The following ANK3 variants were observed in gnomAD, a reference collection of about 807,000 sequenced individuals.
The protein encoded by ANK3 is ankyrin 3.
Under a neutral mutation model 370.9 loss-of-function variants are expected in ANK3, and 57 were observed. That is an observed-to-expected ratio of 0.15 (90% CI 0.12 to 0.19). ANK3 has a LOEUF of 0.19. Among genes scored for constraint, ANK3 ranks in the 10% least tolerant of loss-of-function variants. The pLI, the probability that ANK3 is intolerant of heterozygous loss-of-function variation, is 1.00. For synonymous variants in ANK3, 1,929 were observed against 1,946.3 expected (o/e 0.99, Z 0.23); for missense variants, 4,439 against 5,302.1 (o/e 0.84, Z 5.06).
intron 2 of ANK3, among the ~76,000 whole-genome samples, chr10:60,453,597 A>G (rs1022960388): frequency 6.6e-6 from 1 of 152,198 alleles, no homozygotes; most frequent in Non-Finnish European, 1.5e-5. Flanking sequence ...AAATGGCTGA[A>G]TAAATGTCTG....
At chr10:60,365,351 A>T (rs2059249668) in intron 1 of ANK3, among the ~76,000 whole-genome samples, 1 of 152,160 alleles carries the variant, frequency 6.6e-6, no homozygotes, top group African/African-American at 2.4e-5. Flanking sequence ...AATTCTATTA[A>T]TCCAAATCTG....
chr10:60,644,964 T>C (rs2133355576), intron 1 of ANK3, among the ~76,000 whole-genome samples: 1 of 151,510 alleles, frequency 6.6e-6, no homozygotes, highest in African/African-American at 2.4e-5. Context: ...TCAGGTATAT[T>C]TTTAGGAGTA....
intron 1 of ANK3, among the ~76,000 whole-genome samples, chr10:60,700,450 T>C (rs951464681): frequency 6.6e-6 from 1 of 151,958 alleles, no homozygotes; most frequent in Non-Finnish European, 1.5e-5. Flanking sequence ...TGAAAAAATT[T>C]CCCCCCTGGA....
chr10:60,620,627 A>G (rs565020168), intron 1 of ANK3, among the ~76,000 whole-genome samples: 2 of 152,314 alleles, frequency 1.3e-5, no homozygotes, highest in South Asian at 2.1e-4. Flanking sequence ...TTAGGCATGA[A>G]TTTAAATGTT....
chr10:60,139,149 G>GA (rs2094465530), intron 23 of ANK3, 62 bp from the exon 24 acceptor site: 2 of 1,579,018 alleles, frequency 1.3e-6, no homozygotes, highest in African/African-American at 2.7e-5. Flanking sequence ...CAGCTGTGGA[G>GA]AAAATCACTC....
At chr10:60,155,940 G>A (rs1245072692) in intron 23 of ANK3, among the ~76,000 whole-genome samples, 1 of 152,206 alleles carries the variant, frequency 6.6e-6, no homozygotes, top group Non-Finnish European at 1.5e-5. Context: ...TACTTTTGAG[G>A]TTTTGGGATT....
chr10:60,491,629 A>G (rs2133121749), intron 2 of ANK3, among the ~76,000 whole-genome samples: 1 of 152,318 alleles, frequency 6.6e-6, no homozygotes, highest in Admixed American at 6.5e-5. Flanking sequence ...TTAGACATGA[A>G]ACACAGTGCA....
At chr10:60,321,866 AT>A (rs1042900335) in intron 1 of ANK3, among the ~76,000 whole-genome samples, 5 of 151,918 alleles carry the variant, frequency 3.3e-5, no homozygotes, top group African/African-American at 7.3e-5. Flanking sequence ...GGACATTTCA[AT>A]TTTTTTTCAA....
At chr10:60,553,981 C>T (rs1462516087) in intron 2 of ANK3, among the ~76,000 whole-genome samples, 1 of 152,136 alleles carries the variant, frequency 6.6e-6, no homozygotes, top group Non-Finnish European at 1.5e-5. Flanking sequence ...AATATATCAG[C>T]ATCAAGAGCT....
At chr10:60,350,037 A>G (rs1163880672) in intron 1 of ANK3, among the ~76,000 whole-genome samples, 3 of 152,230 alleles carry the variant, frequency 2.0e-5, no homozygotes, top group Non-Finnish European at 4.4e-5. Context: ...AGTGATAATC[A>G]CAGTGATGGC....
intron 35 of ANK3, among the ~76,000 whole-genome samples, chr10:60,081,051 T>A (rs1485184881): frequency 6.8e-6 from 1 of 147,934 alleles, no homozygotes; most frequent in East Asian, 2.0e-4. Context: ...TGAAAACAGA[T>A]GAATGGTTTT....
At position 60,055,828 on chromosome 10, in the gene ANK3, G is replaced by T; in HGVS notation, c.12895C>A (p.Pro4299Thr). Residue 4299 changes from proline (P) to threonine (T), a missense_variant, in exon 42 of 44, where the codon CCA becomes ACA. By Grantham distance (38) the Pro-to-Thr change is conservative. Transcript: ENST00000280772. ...GSGHVEEPAS[P>T]LAAYQKSLEE... ...AGAGATTTCTGATATGCTGCTAGTGGTGATGCTGGTTCTTCAACATGACCA... is the reference window on the plus strand; with the variant it reads ...AGAGATTTCTGATATGCTGCTAGTGTTGATGCTGGTTCTTCAACATGACCA... The T allele has an allele frequency of 6.2e-7, 1 of 1,614,196 alleles. No homozygotes were observed. Among genetic ancestry groups the T allele is most frequent in the South Asian group, 1.1e-5 (1 of 91,080 alleles).
At chr10:60,420,291 C>T (rs1262099006) in intron 2 of ANK3, among the ~76,000 whole-genome samples, 2 of 152,080 alleles carry the variant, frequency 1.3e-5, no homozygotes, top group African/African-American at 4.8e-5. Context: ...GCTCCCAAAT[C>T]GCTTGTACTA....
intron 43 of ANK3, among the ~76,000 whole-genome samples, chr10:60,036,747 T>C (rs1034328106): frequency 1.3e-5 from 2 of 152,144 alleles, no homozygotes; most frequent in Admixed American, 1.3e-4. Context: ...AGGAAATTTT[T>C]TTAAACTCTG....
chr10:60,591,114 G>A (rs1229096484), intron 2 of ANK3, among the ~76,000 whole-genome samples: 2 of 152,014 alleles, frequency 1.3e-5, no homozygotes, highest in Non-Finnish European at 2.9e-5. Context: ...TGGGGTTGGC[G>A]TCCAGCAGCG....
At chr10:60,149,855 C>T (rs1216999205) in intron 23 of ANK3, among the ~76,000 whole-genome samples, 1 of 152,172 alleles carries the variant, frequency 6.6e-6, no homozygotes, top group Non-Finnish European at 1.5e-5. Flanking sequence ...ATTACAGGCA[C>T]CCACCACCAC....
chr10:60,200,024 T>G (rs2096648607), intron 13 of ANK3, 105 bp downstream of exon 13: 1 of 809,590 alleles, frequency 1.2e-6, no homozygotes, highest in African/African-American at 1.7e-5. Flanking sequence ...GGTTTTTCAA[T>G]ATTTTTAAAG....
rs577822647 is a variant in ANK3, at chr10:60,171,524, ATTTAC to A, written c.2478+779_2478+783del. ...AATTCAAAATGTTCCAGAGTCCTAT[ATTTAC>A]TTTGTTAAGAGTCAACCTCAGGTCT... On this transcript the variant is annotated intron_variant, in intron 21 of 43. Coordinates refer to ENST00000280772, the MANE Select transcript of ANK3 (RefSeq NM_020987.5). Among the ~76,000 whole-genome samples the A allele has an allele frequency of 1.1e-3, 163 of 152,296 alleles. 1 individual carries two copies. Among genetic ancestry groups the A allele is most frequent in the African/African-American group, 3.5e-3 (147 of 41,562 alleles).
Position 60,074,148 on chromosome 10 carries a change from G to C in ANK3, c.6733C>G (p.His2245Asp). ...SKGMRVKEETHITTTTRMVYH... is the reference protein window; with the variant it reads ...SKGMRVKEETDITTTTRMVYH... The stretch of plus-strand genomic sequence containing the variant: ...ACCATTCTGGTGGTTGTGGTTATGT[G>C]AGTCTCTTCTTTAACACGCATGCCT... The change falls in exon 37 of 44, where the codon CAC becomes GAC. Residue 2245 changes from histidine to aspartate, a missense_variant. His to Asp is a moderately conservative substitution (Grantham distance 81, BLOSUM62 -1). Around this residue, in one of 13 missense-constraint regions of ANK3, gnomAD observed 1,601 missense variants for 1,731.7 expected, o/e 0.92. Transcript: ENST00000280772. 6.2e-7 allele frequency: 1 copy of C among 1,613,878 alleles called. No individual in the cohort carries two copies. Among genetic ancestry groups the C allele is most frequent in the Non-Finnish European group, 8.5e-7 (1 of 1,179,954 alleles).
Sources: allele counts gnomAD v4.1 joint callset (sites outside exome capture counted in the v4.1 genomes callset), GRCh38; gene constraint gnomAD v4.1.1; regional missense constraint gnomAD v4.1.1; transcripts MANE v1.5; gene names NCBI Gene and HGNC (gene_info 2026-07-23, HGNC 2026-07-21).